Variants in KDM3A observed in about 807,000 individuals in gnomAD.
KDM3A encodes the protein lysine-specific demethylase 3A.
Under a neutral mutation model 158.0 loss-of-function variants are expected in KDM3A, and 60 were observed. That is an observed-to-expected ratio of 0.38 (90% CI 0.31 to 0.47). The LOEUF is 0.47. Ranked by LOEUF, KDM3A falls within the 20% of genes least tolerant of loss-of-function variation. The pLI is 0.99. For missense variants in KDM3A, 1,319 were observed against 1,574.3 expected, an observed-to-expected ratio of 0.84 and a Z score of 2.74; for synonymous variants, 608 against 549.3, an observed-to-expected ratio of 1.11 and a Z score of -1.49.
At position 86,442,316 on chromosome 2, in the gene KDM3A, C is replaced by G. The variant is rs1396158571; in HGVS notation, c.186+83C>G. On this transcript the variant is annotated intron_variant, in intron 2 of 25. Coordinates refer to ENST00000312912, the MANE Select transcript of KDM3A (RefSeq NM_018433.6). ...ACCATCGGTTCCCTCCTTCCGTTTTCTGAAAACGGAGACCAGAAAGTTGGC... is the reference window on the plus strand; with the variant it reads ...ACCATCGGTTCCCTCCTTCCGTTTTGTGAAAACGGAGACCAGAAAGTTGGC... 5 of 1,328,594 alleles carry G rather than the reference C, an allele frequency of 3.8e-6. No homozygotes were observed. The African/African-American group carries it at 5.9e-5, about 16-fold the overall frequency. 82.3% of individuals were successfully genotyped at this position (1,328,594 alleles called of 1,614,324 possible). A position where few individuals can be genotyped will look rare whatever the true frequency, so the allele number is the denominator to read the frequency against.
rs747588604 is a variant in KDM3A at position 86,474,964 on chromosome 2, A to G, written c.1913A>G (p.Glu638Gly). The G allele has an allele frequency of 6.2e-7, 1 of 1,613,936 alleles. No individual in the cohort carries two copies. Among genetic ancestry groups the G allele is most frequent in the South Asian group, 1.1e-5 (1 of 91,078 alleles). ...TGTCAAATGGTGATTTCTGAAAAGGAAGCTATGTCAACTATTGAGCCACAC... is the reference window on the plus strand; with the variant it reads ...TGTCAAATGGTGATTTCTGAAAAGGGAGCTATGTCAACTATTGAGCCACAC... ...HFCQMVISEK[E>G]AMSTIEPHRQ... The change falls in exon 12 of 26, where the codon GAA (glutamate) becomes GGA (glycine). Residue 638 changes from glutamate (E) to glycine (G), a missense_variant. Physicochemically the swap from Glu to Gly is moderately conservative, Grantham distance 98. Coordinates refer to ENST00000312912, the MANE Select transcript of KDM3A (RefSeq NM_018433.6).
At chr2:86,482,237 C>G (rs1036591745) in intron 17 of KDM3A, 135 bp downstream of exon 17, 9 of 1,193,788 alleles carry the variant, frequency 7.5e-6, no homozygotes, top group Non-Finnish European at 1.1e-5. Context: ...GGCTGAGTCA[C>G]TGGAGGATGG....
chr2:86,459,445 G>A (rs1672837166), intron 8 of KDM3A, among the ~76,000 whole-genome samples: 1 of 152,142 alleles, frequency 6.6e-6, no homozygotes, highest in Non-Finnish European at 1.5e-5. Context: ...CCTGTCATGG[G>A]GAATGTGTCA....
rs1674501562 is a variant in KDM3A at position 86,492,391 on chromosome 2, G to A, written c.*272G>A. On this transcript the variant is annotated 3_prime_UTR_variant, in exon 26 of 26. Coordinates refer to ENST00000312912, the MANE Select transcript of KDM3A (RefSeq NM_018433.6). ...AAAAGCAAAACCTCGTATCAGCTCT[G>A]GAACAATACCTGCAGTTATTCTTCA... 1 of 372,556 alleles carries A rather than the reference G, an allele frequency of 2.7e-6. No individual in the cohort carries two copies. The highest frequency in any genetic ancestry group is 4.9e-6 in the Non-Finnish European group (1 of 203,932). 23.1% of individuals were successfully genotyped at this position (372,556 alleles called of 1,614,324 possible). A position where few individuals can be genotyped will look rare whatever the true frequency, so the allele number is the denominator to read the frequency against.
chr2:86,491,669 A>G, intron 25 of KDM3A: 1 of 307,838 alleles, frequency 3.2e-6, no homozygotes, highest in East Asian at 6.8e-5. Flanking sequence ...AAGAGGTCTG[A>G]GGGGGTGGTA....
chr2:86,465,169 C>T (rs1673081730), intron 9 of KDM3A, among the ~76,000 whole-genome samples: 1 of 152,262 alleles, frequency 6.6e-6, no homozygotes, highest in Admixed American at 6.5e-5. Context: ...AGAAAGAACT[C>T]TAGGATGCTA....
At chr2:86,464,573 TGA>T (rs1673058225) in intron 9 of KDM3A, among the ~76,000 whole-genome samples, 1 of 152,188 alleles carries the variant, frequency 6.6e-6, no homozygotes, top group Non-Finnish European at 1.5e-5. Flanking sequence ...ATGGTTACAG[TGA>T]GAGATTCTCC....
At chr2:86,443,913 C>G (rs1260563536) in intron 2 of KDM3A, among the ~76,000 whole-genome samples, 1 of 152,094 alleles carries the variant, frequency 6.6e-6, no homozygotes, top group Non-Finnish European at 1.5e-5. Flanking sequence ...TGGTTTATTT[C>G]GCCTGCCAAA....
At chr2:86,485,648 G>C in intron 20 of KDM3A, 81 bp from the exon 21 acceptor site, 1 of 1,511,716 alleles carries the variant, frequency 6.6e-7, no homozygotes, top group Non-Finnish European at 9.1e-7. Flanking sequence ...TCCTTTTGGT[G>C]TAGAAGGAAC....
chr2:86,443,465 A>C (rs1293651055), intron 2 of KDM3A: 1 of 152,218 alleles, frequency 6.6e-6, no homozygotes, highest in Non-Finnish European at 1.5e-5. Context: ...GAGTGACCGA[A>C]GAGCATTTAA....
At chr2:86,488,493 G>T (rs1413690122) in intron 21 of KDM3A, 1 of 152,178 alleles carries the variant, frequency 6.6e-6, no homozygotes, top group Non-Finnish European at 1.5e-5. Context: ...AGGGCTCTGG[G>T]GGCCCTGGTC....
chr2:86,492,204 C>A lies in KDM3A; in HGVS notation c.*85C>A. On this transcript the variant is annotated 3_prime_UTR_variant, in exon 26 of 26. Coordinates refer to ENST00000312912, the MANE Select transcript of KDM3A (RefSeq NM_018433.6). Reference sequence around the variant, plus strand: ...CTGTGGACTTTGAGATTCATGTTACCTCATCTTCTTTTTTAAACTGTACCC... The same window carrying A: ...CTGTGGACTTTGAGATTCATGTTACATCATCTTCTTTTTTAAACTGTACCC... 1 of 970,052 alleles carries A rather than the reference C, an allele frequency of 1.0e-6. No homozygotes were observed. Among genetic ancestry groups the A allele is most frequent in the South Asian group, 1.4e-5 (1 of 72,670 alleles). The allele number at this position is 970,052 out of a possible 1,614,324, so 60.1% of individuals were successfully genotyped here.
upstream of KDM3A, among the ~76,000 whole-genome samples, chr2:86,440,318 GT>G (rs1258897893): frequency 6.6e-6 from 1 of 152,148 alleles, no homozygotes; most frequent in Admixed American, 6.5e-5. Context: ...TTCCACGCTT[GT>G]AAAATGGGAG....
upstream of KDM3A, chr2:86,440,749 T>G (rs1682654188): frequency 6.6e-6 from 1 of 152,246 alleles, no homozygotes; most frequent in East Asian, 1.9e-4. Flanking sequence ...CCGCAGCCAT[T>G]TCGCCCAGCA....
chr2:86,468,339 A>T (rs886667475), intron 10 of KDM3A, among the ~76,000 whole-genome samples: 1 of 152,240 alleles, frequency 6.6e-6, no homozygotes, highest in Admixed American at 6.5e-5. Context: ...GTACATATTC[A>T]TAACCATATC....
upstream of KDM3A, among the ~76,000 whole-genome samples, chr2:86,439,397 A>G (rs1308685582): frequency 6.6e-6 from 1 of 152,050 alleles, no homozygotes; most frequent in African/African-American, 2.4e-5. Flanking sequence ...TATGTTCCTA[A>G]GTATAATTGA....
In KDM3A at chr2:86,456,551, A is replaced by G. The variant is rs765999868; in HGVS notation, c.666A>G (p.Gln222=). The G allele has an allele frequency of 3.1e-6, 5 of 1,609,424 alleles. No individual in the cohort carries two copies. In the South Asian group the frequency reaches 4.4e-5, roughly 14 times the overall value. Residue 222 remains glutamine, a synonymous_variant, in exon 6 of 26, where the codon CAA becomes CAG. Transcript: ENST00000312912. ...GAAACCCAGCATCAAAAACTCTTCA[A>G]GTCAACTGTGAGGAGGTAAAGACAA... ...INGNPASKTL[Q]VNCEEIPALK...
intron 10 of KDM3A, among the ~76,000 whole-genome samples, chr2:86,468,584 A>G (rs1020217419): frequency 3.3e-5 from 5 of 151,596 alleles, no homozygotes; most frequent in Non-Finnish European, 5.9e-5. Context: ...ACATCCTGCT[A>G]TCTACTGTGA....
chr2:86,466,043 T>C (rs1420755231), intron 9 of KDM3A, among the ~76,000 whole-genome samples: 1 of 152,080 alleles, frequency 6.6e-6, no homozygotes, highest in Non-Finnish European at 1.5e-5. Context: ...GTATATTCTT[T>C]GGTTTCATAC....
Sources: allele counts gnomAD v4.1 joint callset (sites outside exome capture counted in the v4.1 genomes callset), GRCh38; gene constraint gnomAD v4.1.1; transcripts MANE v1.5; gene names NCBI Gene and HGNC (gene_info 2026-07-23, HGNC 2026-07-21).